Variants in TENM3 observed in about 807,000 individuals in gnomAD.
TENM3 encodes the protein teneurin transmembrane protein 3.
In TENM3, 63 loss-of-function variants were observed where a neutral mutation model predicts 255.1. That is an observed-to-expected ratio of 0.25 (90% confidence interval 0.20 to 0.30). The LOEUF (loss-of-function observed/expected upper bound fraction) is 0.30, where lower values mean the gene tolerates loss of function less well. TENM3 is among the 10% of genes least tolerant of loss of function. The pLI, the probability that TENM3 is intolerant of heterozygous loss-of-function variation, is 1.00. For missense variants in TENM3, 2,929 were observed against 3,461.1 expected, an observed-to-expected ratio of 0.85 and a Z score of 3.86; for synonymous variants, 1,306 against 1,322.3, an observed-to-expected ratio of 0.99 and a Z score of 0.27.
chr4:181,773,760 T>C, the TENM3 span, among the ~76,000 whole-genome samples: 1 of 152,192 alleles, frequency 6.6e-6, no homozygotes, highest in Non-Finnish European at 1.5e-5. Context: ...GTTGTGTTTA[T>C]AACTGCCTAC....
intron 12 of TENM3, among the ~76,000 whole-genome samples, chr4:182,697,369 G>A (rs944162605): frequency 2.0e-5 from 3 of 152,198 alleles, no homozygotes; most frequent in Admixed American, 6.5e-5. Context: ...GGCAGCAGGC[G>A]TGGAGTTGAG....
At chr4:182,331,626 A>G (rs1308582683) in intron 2 of TENM3, among the ~76,000 whole-genome samples, 1 of 152,216 alleles carries the variant, frequency 6.6e-6, no homozygotes, top group Admixed American at 6.5e-5. Flanking sequence ...TATTTTTAAG[A>G]CATACACTTA....
At chr4:182,476,702 C>T (rs2151485617) in intron 3 of TENM3, among the ~76,000 whole-genome samples, 1 of 152,160 alleles carries the variant, frequency 6.6e-6, no homozygotes, top group East Asian at 1.9e-4. Flanking sequence ...TTAGGTCTGA[C>T]AGTGAGCTGA....
intron 3 of TENM3, among the ~76,000 whole-genome samples, chr4:182,500,310 A>G (rs757721011): frequency 2.6e-5 from 4 of 152,208 alleles, no homozygotes; most frequent in Non-Finnish European, 4.4e-5. Flanking sequence ...CTTAATATAT[A>G]AAGAGCTCTT....
At chr4:181,529,446 C>A in the TENM3 span, among the ~76,000 whole-genome samples, 1 of 152,086 alleles carries the variant, frequency 6.6e-6, no homozygotes, top group East Asian at 1.9e-4. Flanking sequence ...TAACTTCAAA[C>A]AGAAAACTCA....
At chr4:181,450,310 T>A in the TENM3 span, among the ~76,000 whole-genome samples, 2 of 152,174 alleles carry the variant, frequency 1.3e-5, no homozygotes, top group African/African-American at 4.8e-5. Context: ...AACATCTGAG[T>A]ATTTGCTCCA....
At chr4:181,912,664 CT>C in the TENM3 span, among the ~76,000 whole-genome samples, 2 of 151,124 alleles carry the variant, frequency 1.3e-5, no homozygotes, top group African/African-American at 2.4e-5. Flanking sequence ...CCTGGCTACT[CT>C]GGAGGCTGAG....
chr4:181,533,775 CCTT>C, the TENM3 span, among the ~76,000 whole-genome samples: 4 of 152,052 alleles, frequency 2.6e-5, no homozygotes, highest in Admixed American at 1.3e-4. Flanking sequence ...CTGACGTAGA[CCTT>C]CTTTCAGATC....
chr4:182,171,486 C>G (rs1752102313), intron 1 of TENM3, among the ~76,000 whole-genome samples: 1 of 152,078 alleles, frequency 6.6e-6, no homozygotes, highest in Non-Finnish European at 1.5e-5. Context: ...GGTTTTTAGA[C>G]AGGGTCTCAC....
chr4:181,975,675 G>A, the TENM3 span: 1 of 152,564 alleles, frequency 6.6e-6, no homozygotes, highest in Non-Finnish European at 1.5e-5. Context: ...GGAGCCAGGT[G>A]AGAGATGGAG....
At chr4:182,453,734 G>C (rs184989449) in intron 3 of TENM3, among the ~76,000 whole-genome samples, 1 of 152,138 alleles carries the variant, frequency 6.6e-6, no homozygotes, top group East Asian at 1.9e-4. Flanking sequence ...GCTGTCTAGA[G>C]ACCTGTAAAA....
chr4:181,787,763 T>A, the TENM3 span, among the ~76,000 whole-genome samples: 3 of 152,124 alleles, frequency 2.0e-5, no homozygotes, highest in Non-Finnish European at 4.4e-5. Context: ...TTTCAAGATG[T>A]CCTGCCTTTT....
chr4:182,692,825 C>T (rs1247615798), intron 12 of TENM3, among the ~76,000 whole-genome samples: 2 of 151,942 alleles, frequency 1.3e-5, no homozygotes, highest in East Asian at 1.9e-4. Flanking sequence ...TTTTTGTTAG[C>T]TTAAGGAGTA....
the TENM3 span, among the ~76,000 whole-genome samples, chr4:181,609,716 G>A: frequency 6.6e-6 from 1 of 152,160 alleles, no homozygotes; most frequent in East Asian, 1.9e-4. Context: ...TCCACACAAT[G>A]GGCTCTCTAA....
At chr4:182,772,761 TA>T (rs144645483) in intron 22 of TENM3, among the ~76,000 whole-genome samples, 192 of 148,128 alleles carry the variant, frequency 1.3e-3, no homozygotes, top group East Asian at 4.3e-3. Flanking sequence ...AGTAAGTGTG[TA>T]AAAAAAAAAC....
chr4:182,595,002 C>T (rs1302701349), intron 3 of TENM3, among the ~76,000 whole-genome samples: 1 of 152,118 alleles, frequency 6.6e-6, no homozygotes, highest in Non-Finnish European at 1.5e-5. Flanking sequence ...AGGTGTAAGC[C>T]AGTGCACCCA....
intron 1 of TENM3, among the ~76,000 whole-genome samples, chr4:182,162,520 C>A (rs1345974441): frequency 1.3e-5 from 2 of 152,070 alleles, no homozygotes. Flanking sequence ...GTTCCAGTGC[C>A]ATCTCAACCT....
chr4:182,115,936 TC>T, the TENM3 span, among the ~76,000 whole-genome samples: 67 of 152,124 alleles, frequency 4.4e-4, no homozygotes, highest in Admixed American at 9.8e-4. Context: ...CACAGCAAAA[TC>T]AAGCAGAAAA....
At chr4:181,741,929 T>C in the TENM3 span, among the ~76,000 whole-genome samples, 1 of 152,194 alleles carries the variant, frequency 6.6e-6, no homozygotes, top group Non-Finnish European at 1.5e-5. Flanking sequence ...TAGCTACACA[T>C]AATATCATCA....
Sources: allele counts gnomAD v4.1 joint callset (sites outside exome capture counted in the v4.1 genomes callset), GRCh38; gene constraint gnomAD v4.1.1; transcripts MANE v1.5; gene names NCBI Gene and HGNC (gene_info 2026-07-23, HGNC 2026-07-21).